CLIP2: variants seen among roughly 807,000 people sequenced by gnomAD.
CLIP2 encodes the protein CAP-Gly domain containing linker protein 2, also known as CAP-Gly domain-containing linker protein 2.
A neutral mutation model predicts 111.7 loss-of-function variants in CLIP2; 41 were observed. That is an observed-to-expected ratio of 0.37 (90% CI 0.29 to 0.48). CLIP2 has a LOEUF of 0.48. CLIP2 is among the 20% of genes least tolerant of loss of function. The pLI is 0.99. For missense variants in CLIP2, 1,160 were observed against 1,422.1 expected (o/e 0.82, Z 2.96); for synonymous variants, 660 against 644.2 (o/e 1.02, Z -0.37).
Position 74,376,273 on chromosome 7 carries a change from C to T in CLIP2, c.1872C>T (p.His624=). 1 of 1,613,140 alleles carries T rather than the reference C, an allele frequency of 6.2e-7. No homozygotes were observed. Among genetic ancestry groups the T allele is most frequent in the Non-Finnish European group, 8.5e-7 (1 of 1,179,634 alleles). The change falls in exon 10 of 17, where the codon CAC becomes CAT. Residue 624 remains histidine, a synonymous_variant. Coordinates refer to ENST00000223398, the MANE Select transcript of CLIP2 (RefSeq NM_003388.5). This position sits in a 1 kb window ranked among gnomAD's most constrained non-coding sequence, Gnocchi z 7.1. ...AGCTGGACTCGCTGGCCTCGGACCA[C>T]CAGAAGTCCCTGGAGGACCTCAAAG... ...KSKLDSLASD[H]QKSLEDLKAT...
At chr7:74,305,430 C>G (rs1788449887) in intron 1 of CLIP2, among the ~76,000 whole-genome samples, 1 of 152,222 alleles carries the variant, frequency 6.6e-6, no homozygotes, top group Middle Eastern at 3.4e-3. Context: ...CTGCTGCAGC[C>G]CCTACCTCCC....
In CLIP2 at chr7:74,317,511, G is replaced by A. The variant is rs782650095; in HGVS notation, c.-36G>A. ...GAAGATGGCAGAGAGGACGTGACCA[G>A]CACTCACCCTTGTCCACCTGCCCAG... On this transcript the variant is annotated 5_prime_UTR_variant, in exon 2 of 17. Coordinates refer to ENST00000223398, the MANE Select transcript of CLIP2 (RefSeq NM_003388.5). The A allele has an allele frequency of 6.5e-6, 9 of 1,380,944 alleles. No individual in the cohort carries two copies. The highest frequency in any genetic ancestry group is 6.6e-6 in the Non-Finnish European group (7 of 1,057,624). 85.5% of individuals were successfully genotyped at this position (1,380,944 alleles called of 1,614,324 possible). A position where few individuals can be genotyped will look rare whatever the true frequency, so the allele number is the denominator to read the frequency against.
chr7:74,368,294 G>A (rs1356240646), intron 8 of CLIP2, among the ~76,000 whole-genome samples: 1 of 152,014 alleles, frequency 6.6e-6, no homozygotes, highest in Non-Finnish European at 1.5e-5. Flanking sequence ...GAGGTGGGCG[G>A]ATCATGAGGT....
intron 13 of CLIP2, among the ~76,000 whole-genome samples, chr7:74,396,531 T>C (rs1228663400): frequency 1.3e-5 from 2 of 152,216 alleles, no homozygotes; most frequent in Non-Finnish European, 2.9e-5. Context: ...TATTTATTAT[T>C]ATTTTCTTTG....
At chr7:74,346,153 ATT>A (rs1164794810) in intron 3 of CLIP2, among the ~76,000 whole-genome samples, 2 of 150,952 alleles carry the variant, frequency 1.3e-5, no homozygotes, top group South Asian at 4.2e-4. Context: ...TAATTTCTTA[ATT>A]TTTTTTTGTA....
chr7:74,294,165 C>T (rs1156772501), intron 1 of CLIP2, among the ~76,000 whole-genome samples: 1 of 152,172 alleles, frequency 6.6e-6, no homozygotes, highest in Non-Finnish European at 1.5e-5. Context: ...GATCTGCCCG[C>T]CTTGGCCTCC....
At chr7:74,312,236 T>A (rs981276777) in intron 1 of CLIP2, among the ~76,000 whole-genome samples, 1 of 152,164 alleles carries the variant, frequency 6.6e-6, no homozygotes, top group Middle Eastern at 3.4e-3. Flanking sequence ...AGACTCCGTC[T>A]CCAAATAAAT....
chr7:74,397,195 G>A lies in CLIP2; in HGVS notation c.2842G>A (p.Asp948Asn). ...EWRIKEQKLKDDIRGLREKLT... is the reference protein window; with the variant it reads ...EWRIKEQKLKNDIRGLREKLT... The stretch of plus-strand genomic sequence containing the variant: ...GCGGATCAAGGAGCAGAAACTCAAG[G>A]ATGACATCCGGGGCCTGCGTGAAAA... Residue 948 changes from aspartate to asparagine, a missense_variant, in exon 14 of 17, where the codon GAT becomes AAT. Around this residue, in one of 5 missense-constraint regions of CLIP2, gnomAD observed 676 missense variants for 777.8 expected, o/e 0.87. Transcript: ENST00000223398. 6.2e-7 allele frequency: 1 copy of A among 1,613,834 alleles called. No individual in the cohort carries two copies. The highest frequency in any genetic ancestry group is 8.5e-7 in the Non-Finnish European group (1 of 1,179,970).
At chr7:74,360,310 G>C in intron 7 of CLIP2, 32 bp downstream of exon 7, 1 of 1,516,478 alleles carries the variant, frequency 6.6e-7, no homozygotes, top group Non-Finnish European at 9.0e-7. Context: ...CCCTGGCCCT[G>C]AGTCCCCTTA....
intron 15 of CLIP2, among the ~76,000 whole-genome samples, 168 bp from the exon 16 acceptor site, chr7:74,401,337 C>T (rs1235943939): frequency 1.3e-5 from 2 of 152,216 alleles, no homozygotes; most frequent in Non-Finnish European, 2.9e-5. Flanking sequence ...AAGGAAGATG[C>T]AGCCTTACCC....
rs186819422 is a variant in CLIP2, at chr7:74,377,811, C to A, written c.2421+989C>A. On this transcript the variant is annotated intron_variant, in intron 10 of 16. Transcript: ENST00000223398. ...ATTGTACTCAGAGATTCTTGAGTTT[C>A]CAGTTCCCCCACATACATTTTTTTT... Among the ~76,000 whole-genome samples the A allele has an allele frequency of 7.1e-4, 108 of 151,896 alleles. 2 individuals carry two copies. The highest frequency in any genetic ancestry group is 2.5e-3 in the African/African-American group (102 of 41,432).
chr7:74,362,230 G>A (rs1790347899), intron 7 of CLIP2, among the ~76,000 whole-genome samples: 1 of 152,156 alleles, frequency 6.6e-6, no homozygotes, highest in Admixed American at 6.6e-5. Context: ...AGCTGACAGT[G>A]GACAGAGGTT....
intron 3 of CLIP2, among the ~76,000 whole-genome samples, chr7:74,339,811 G>A (rs552075231): frequency 6.6e-6 from 1 of 152,218 alleles, no homozygotes; most frequent in East Asian, 1.9e-4. Flanking sequence ...GTCCTGGCCA[G>A]GCACAGTGGT....
At chr7:74,315,231 C>T (rs1788738471) in intron 1 of CLIP2, among the ~76,000 whole-genome samples, 1 of 152,068 alleles carries the variant, frequency 6.6e-6, no homozygotes. Context: ...AGCCGAGATG[C>T]TGTCACTGCG....
At chr7:74,300,090 G>A (rs548556815) in intron 1 of CLIP2, among the ~76,000 whole-genome samples, 3 of 152,036 alleles carry the variant, frequency 2.0e-5, no homozygotes, top group Admixed American at 6.5e-5. Flanking sequence ...GGGTTCAAGC[G>A]ATCCTCCTGC....
chr7:74,387,823 A>G (rs559372548), intron 12 of CLIP2, among the ~76,000 whole-genome samples: 3 of 152,256 alleles, frequency 2.0e-5, no homozygotes, highest in East Asian at 3.9e-4. Context: ...TGATCTGTTT[A>G]TTGTACCTGT....
intron 2 of CLIP2, among the ~76,000 whole-genome samples, chr7:74,318,529 A>C (rs1159336775): frequency 6.6e-6 from 1 of 152,124 alleles, no homozygotes; most frequent in African/African-American, 2.4e-5. Context: ...CCTGGGCAAC[A>C]TGGGAAAACC....
At chr7:74,361,004 C>T (rs2116617725) in intron 7 of CLIP2, among the ~76,000 whole-genome samples, 1 of 152,130 alleles carries the variant, frequency 6.6e-6, no homozygotes, top group East Asian at 1.9e-4. Context: ...ATGCCCCACC[C>T]CTCCACCATG....
Position 74,338,432 on chromosome 7 carries a change from C to T in CLIP2, c.122-16C>T, listed in dbSNP as rs1366415766. 6.2e-7 allele frequency: 1 copy of T among 1,610,338 alleles called. No individual in the cohort carries two copies. The highest frequency in any genetic ancestry group is 1.3e-5 in the African/African-American group (1 of 74,820). On this transcript the variant is annotated splice_polypyrimidine_tract_variant and intron_variant, in intron 2 of 16. Coordinates refer to ENST00000223398, the MANE Select transcript of CLIP2 (RefSeq NM_003388.5). The surrounding 1 kb of genome is among the most constrained non-coding windows in gnomAD (Gnocchi z 4.3). ...CTAACAGCCACCTCTTTCCCTTTCC[C>T]TCTCCTTCTCTGCAGGCTCCCCACT...
Sources: allele counts gnomAD v4.1 joint callset (sites outside exome capture counted in the v4.1 genomes callset), GRCh38; gene constraint gnomAD v4.1.1; regional missense constraint gnomAD v4.1.1; non-coding constraint Gnocchi (gnomAD v3.1); transcripts MANE v1.5; gene names NCBI Gene and HGNC (gene_info 2026-07-23, HGNC 2026-07-21).